FHIT: variants seen among roughly 807,000 people sequenced by gnomAD.
FHIT encodes bis(5'-adenosyl)-triphosphatase.
A neutral mutation model predicts 17.9 loss-of-function variants in FHIT; 19 were observed. The observed-to-expected ratio is 1.06, with a 90% confidence interval of 0.74 to 1.56. The LOEUF is 1.56. Among genes scored for constraint, FHIT ranks in the 40% most tolerant of loss-of-function variants. FHIT has a pLI of 0.00. For synonymous variants in FHIT, 81 were observed against 69.7 expected (o/e 1.16, Z -0.81); for missense variants, 248 against 189.2 (o/e 1.31, Z -1.82).
intron 5 of FHIT, among the ~76,000 whole-genome samples, chr3:60,356,559 G>A (rs1293803113): frequency 6.6e-6 from 1 of 151,974 alleles, no homozygotes; most frequent in Non-Finnish European, 1.5e-5. Context: ...TACTCCATCA[G>A]CTTAATGAGA....
chr3:60,617,977 T>C, intron 4 of FHIT: 1 of 272,700 alleles, frequency 3.7e-6, no homozygotes, highest in South Asian at 4.5e-5. Context: ...TAAAGTCAAA[T>C]CAAAGAATTA....
At chr3:60,841,703 T>C (rs1702728669) in intron 3 of FHIT, among the ~76,000 whole-genome samples, 1 of 152,138 alleles carries the variant, frequency 6.6e-6, no homozygotes, top group Non-Finnish European at 1.5e-5. Flanking sequence ...GGATTTAAAA[T>C]TCCATGCAGA....
intron 5 of FHIT, among the ~76,000 whole-genome samples, chr3:60,071,983 C>T (rs968934986): frequency 4.6e-5 from 7 of 152,188 alleles, no homozygotes; most frequent in African/African-American, 1.2e-4. Flanking sequence ...TCCTCAGCCA[C>T]GTGGAACTGT....
In FHIT at chr3:60,925,513, G is replaced by C. The variant is rs191465836; in HGVS notation, c.-110-103502C>G. Among the ~76,000 whole-genome samples, 705 of 152,300 alleles carry C rather than the reference G, an allele frequency of 4.6e-3. 9 individuals carry two copies. The highest frequency in any genetic ancestry group is 0.015 in the Admixed American group (227 of 15,298). ...TACTTAACAGACAAGCAAATGCTGA[G>C]AGATTTTGTCACCACCAGGCCTGCC... On this transcript the variant is annotated intron_variant, in intron 3 of 9. Coordinates refer to ENST00000492590, the MANE Select transcript of FHIT (RefSeq NM_002012.4).
At chr3:60,148,117 T>C (rs1410423743) in intron 5 of FHIT, among the ~76,000 whole-genome samples, 2 of 152,230 alleles carry the variant, frequency 1.3e-5, no homozygotes, top group South Asian at 2.1e-4. Flanking sequence ...TTACTGCCCA[T>C]GAAGAGATAG....
At chr3:60,838,838 C>T (rs1339539010) in intron 3 of FHIT, among the ~76,000 whole-genome samples, 4 of 152,108 alleles carry the variant, frequency 2.6e-5, no homozygotes, top group Admixed American at 2.6e-4. Context: ...GTACTTGTCA[C>T]GATGCTGACA....
chr3:60,122,727 T>C (rs533851728), intron 5 of FHIT, among the ~76,000 whole-genome samples: 1 of 152,092 alleles, frequency 6.6e-6, no homozygotes, highest in Non-Finnish European at 1.5e-5. Context: ...AGACCCACAG[T>C]GAAGTCTAGA....
intron 4 of FHIT, among the ~76,000 whole-genome samples, chr3:60,589,404 C>T (rs2038009711): frequency 6.6e-6 from 1 of 152,150 alleles, no homozygotes; most frequent in East Asian, 1.9e-4. Context: ...CAGTTCTCTC[C>T]TTCACTTTTC....
chr3:60,333,101 C>T (rs996733046), intron 5 of FHIT, among the ~76,000 whole-genome samples: 3 of 152,176 alleles, frequency 2.0e-5, no homozygotes, highest in Non-Finnish European at 4.4e-5. Context: ...TTACCAGCCA[C>T]GTGTATCTCA....
At chr3:60,168,779 G>A (rs1246086771) in intron 5 of FHIT, among the ~76,000 whole-genome samples, 1 of 152,184 alleles carries the variant, frequency 6.6e-6, no homozygotes, top group Admixed American at 6.5e-5. Context: ...GAAGCTAAAA[G>A]GTTGAAGATT....
intron 5 of FHIT, among the ~76,000 whole-genome samples, chr3:60,449,903 T>C (rs1481185281): frequency 2.0e-5 from 3 of 146,346 alleles, no homozygotes; most frequent in African/African-American, 7.7e-5. Context: ...CTCAGGAGGC[T>C]GAGGCAGGAG....
intron 3 of FHIT, among the ~76,000 whole-genome samples, chr3:60,975,017 A>G (rs1444421285): frequency 2.0e-5 from 3 of 148,034 alleles, no homozygotes; most frequent in South Asian, 4.2e-4. Flanking sequence ...GCTTTGGCTT[A>G]AGTTATGGTT....
intron 3 of FHIT, among the ~76,000 whole-genome samples, chr3:60,921,765 C>G (rs955972005): frequency 1.3e-5 from 2 of 152,160 alleles, no homozygotes; most frequent in African/African-American, 2.4e-5. Flanking sequence ...TCAGAGAATT[C>G]CGCTGCTGAA....
At chr3:60,481,237 C>A (rs2033594935) in intron 5 of FHIT, among the ~76,000 whole-genome samples, 1 of 152,150 alleles carries the variant, frequency 6.6e-6, no homozygotes, top group Non-Finnish European at 1.5e-5. Context: ...CGGAAACAAG[C>A]TGGAAAACAC....
chr3:61,219,447 G>C (rs1338223774), intron 1 of FHIT, among the ~76,000 whole-genome samples: 1 of 151,976 alleles, frequency 6.6e-6, no homozygotes, highest in Non-Finnish European at 1.5e-5. Context: ...CTAGACAATA[G>C]TCAGGAATAG....
chr3:60,317,555 T>A (rs1167884030), intron 5 of FHIT, among the ~76,000 whole-genome samples: 1 of 148,572 alleles, frequency 6.7e-6, no homozygotes, highest in African/African-American at 2.5e-5. Context: ...GAAATATATA[T>A]ACATATATCA....
intron 3 of FHIT, among the ~76,000 whole-genome samples, chr3:61,011,647 T>A (rs1272766524): frequency 6.6e-6 from 1 of 152,176 alleles, no homozygotes; most frequent in Admixed American, 6.5e-5. Flanking sequence ...AAAATTGATA[T>A]GTCTGAAAAT....
chr3:60,407,150 G>A lies in FHIT; in HGVS notation c.103+129710C>T, dbSNP rs981895114. On this transcript the variant is annotated intron_variant, in intron 5 of 9. Coordinates refer to ENST00000492590, the MANE Select transcript of FHIT (RefSeq NM_002012.4). ...GCTTATAATCAAGGCAATGCTAACT[G>A]TTACTGGTAAAAACACTGTAACACA... Among the ~76,000 whole-genome samples, 4 of 121,292 alleles carry A rather than the reference G, an allele frequency of 3.3e-5. No individual in the cohort carries two copies. The East Asian group carries it at 1.1e-3, about 32-fold the overall frequency. 79.6% of individuals were successfully genotyped at this position (121,292 alleles called of 152,430 possible).
chr3:60,815,945 C>T (rs782786725), intron 4 of FHIT, among the ~76,000 whole-genome samples: 8 of 152,034 alleles, frequency 5.3e-5, no homozygotes, highest in Non-Finnish European at 1.2e-4. Flanking sequence ...AGATACATTT[C>T]ATCTCCTTGG....
Sources: gnomAD v4.1 joint callset for allele counts (sites outside exome capture counted in the v4.1 genomes callset) on GRCh38, gnomAD v4.1.1 for gene constraint, MANE v1.5 for transcripts, NCBI Gene and HGNC (gene_info 2026-07-23, HGNC 2026-07-21) for gene names.